MSRA: variants seen among roughly 807,000 people sequenced by gnomAD.
The protein encoded by MSRA is mitochondrial peptide methionine sulfoxide reductase.
In MSRA, 54 loss-of-function variants were observed where a neutral mutation model predicts 31.3. That is an observed-to-expected ratio of 1.73 (90% CI 1.39 to 2.17). The LOEUF (loss-of-function observed/expected upper bound fraction) is 2.17. Among genes scored for constraint, MSRA ranks in the 30% most tolerant of loss-of-function variants. The probability of loss-of-function intolerance (pLI) is 0.00; values close to 1 mark genes in which losing one functional copy is unlikely to be tolerated. For missense variants in MSRA, 507 were observed against 300.9 expected, an observed-to-expected ratio of 1.69 and a Z score of -5.07; for synonymous variants, 169 against 116.5, an observed-to-expected ratio of 1.45 and a Z score of -2.90.
At chr8:10,277,768 A>ATCCTT (rs1799401134) in intron 3 of MSRA, among the ~76,000 whole-genome samples, 2 of 152,282 alleles carry the variant, frequency 1.3e-5, no homozygotes, top group Admixed American at 1.3e-4. Context: ...TTGTATTCAG[A>ATCCTT]TCTCTTTATA....
intron 5 of MSRA, among the ~76,000 whole-genome samples, chr8:10,342,608 G>C (rs941021634): frequency 6.6e-6 from 1 of 152,224 alleles, no homozygotes; most frequent in Non-Finnish European, 1.5e-5. Context: ...TCAAATCTGA[G>C]GCCGTTGTAT....
intron 5 of MSRA, among the ~76,000 whole-genome samples, chr8:10,322,551 G>C (rs536249003): frequency 1.3e-5 from 2 of 152,258 alleles, no homozygotes; most frequent in African/African-American, 4.8e-5. Context: ...AGTTGTGAAA[G>C]TGCAGAGTCT....
chr8:10,355,349 C>T (rs1440792487), intron 5 of MSRA, among the ~76,000 whole-genome samples: 1 of 152,194 alleles, frequency 6.6e-6, no homozygotes, highest in African/African-American at 2.4e-5. Context: ...GAAGCTTTAT[C>T]GCCGATAGAT....
At chr8:10,136,549 T>G (rs1802293168) in intron 1 of MSRA, among the ~76,000 whole-genome samples, 1 of 152,238 alleles carries the variant, frequency 6.6e-6, no homozygotes, top group African/African-American at 2.4e-5. Flanking sequence ...TTGTCCTCAT[T>G]TTTAAATTTA....
intron 3 of MSRA, among the ~76,000 whole-genome samples, chr8:10,300,565 G>A (rs1800788635): frequency 1.3e-5 from 2 of 151,868 alleles, no homozygotes; most frequent in Non-Finnish European, 2.9e-5. Context: ...TAATTTTTTT[G>A]TTCAGTAGAG....
chr8:10,166,244 G>A (rs1219896244), intron 1 of MSRA, among the ~76,000 whole-genome samples: 1 of 152,170 alleles, frequency 6.6e-6, no homozygotes, highest in Admixed American at 6.5e-5. Context: ...TCAGGTAGCA[G>A]GGGAGAATGA....
chr8:10,330,006 A>G lies in MSRA; in HGVS notation c.543+10017A>G, dbSNP rs1258788667. 8.9e-5 allele frequency among the ~76,000 whole-genome samples: 12 copies of G among 135,378 alleles called. 1 individual carries two copies. Among genetic ancestry groups the G allele is most frequent in the Admixed American group, 5.3e-4 (7 of 13,256 alleles). 88.8% of individuals were successfully genotyped at this position (135,378 alleles called of 152,430 possible). A position where few individuals can be genotyped will look rare whatever the true frequency, so the allele number is the denominator to read the frequency against. On this transcript the variant is annotated intron_variant, in intron 5 of 5. Coordinates refer to ENST00000317173, the MANE Select transcript of MSRA (RefSeq NM_012331.5). ...AGAAGGATATTTGGGAGAGAAAAAA[A>G]TGTGTGTGTGTGTGTGTGTGTGTGT...
At chr8:10,375,296 C>G (rs566897101) in intron 5 of MSRA, among the ~76,000 whole-genome samples, 2 of 152,356 alleles carry the variant, frequency 1.3e-5, no homozygotes, top group East Asian at 3.9e-4. Context: ...GATTATCAGG[C>G]TTAGCCTGAT....
intron 5 of MSRA, among the ~76,000 whole-genome samples, chr8:10,323,310 T>G (rs755912299): frequency 4.6e-5 from 7 of 152,136 alleles, no homozygotes; most frequent in Non-Finnish European, 1.0e-4. Context: ...AAGTCACATA[T>G]GATAATGCCA....
intron 5 of MSRA, among the ~76,000 whole-genome samples, chr8:10,394,382 CT>C (rs1438843011): frequency 9.2e-5 from 14 of 152,182 alleles, no homozygotes; most frequent in Admixed American, 9.2e-4. Context: ...CCCACCCCAG[CT>C]TTTCTTTATA....
chr8:10,283,973 T>C (rs180770621), intron 3 of MSRA, among the ~76,000 whole-genome samples: 295 of 151,756 alleles, frequency 1.9e-3, no homozygotes, highest in African/African-American at 6.5e-3. Context: ...CATGTGCAAG[T>C]ATCTTTTTTG....
At chr8:10,173,668 G>A (rs936997713) in intron 1 of MSRA, among the ~76,000 whole-genome samples, 1 of 152,140 alleles carries the variant, frequency 6.6e-6, no homozygotes, top group Non-Finnish European at 1.5e-5. Context: ...TTGCAGCCAG[G>A]CTCAACTTTT....
At chr8:10,082,569 A>G (rs1168550709) in intron 1 of MSRA, among the ~76,000 whole-genome samples, 1 of 152,124 alleles carries the variant, frequency 6.6e-6, no homozygotes, top group Non-Finnish European at 1.5e-5. Flanking sequence ...TGTTACTTCC[A>G]AATCCTACCA....
intron 1 of MSRA, among the ~76,000 whole-genome samples, chr8:10,187,611 C>T (rs1807162799): frequency 6.6e-6 from 1 of 152,198 alleles, no homozygotes; most frequent in Admixed American, 6.5e-5. Context: ...GGGCTATCCA[C>T]TGTAATGACA....
At chr8:10,216,389 G>C (rs4637833) in intron 2 of MSRA, among the ~76,000 whole-genome samples, 1 of 152,098 alleles carries the variant, frequency 6.6e-6, no homozygotes, top group Non-Finnish European at 1.5e-5. Context: ...TTGCATGATG[G>C]ACTTCATTTT....
chr8:10,103,524 A>C (rs545650624), intron 1 of MSRA, among the ~76,000 whole-genome samples: 1 of 152,150 alleles, frequency 6.6e-6, no homozygotes, highest in Non-Finnish European at 1.5e-5. Context: ...ACCAATATCA[A>C]AGGGTTGTTC....
At chr8:10,253,864 G>C (rs1475175193) in intron 3 of MSRA, among the ~76,000 whole-genome samples, 2 of 151,566 alleles carry the variant, frequency 1.3e-5, no homozygotes, top group Admixed American at 1.3e-4. Flanking sequence ...TTTTTTCTAA[G>C]TTACATTAAA....
At chr8:10,365,142 C>CAAA (rs1171189760) in intron 5 of MSRA, among the ~76,000 whole-genome samples, 152 of 61,166 alleles carry the variant, frequency 2.5e-3, no homozygotes, top group African/African-American at 5.7e-3. Context: ...GTGAAGCAAC[C>CAAA]AAAAAAAAAA....
chr8:10,286,215 C>G (rs1224512718), intron 3 of MSRA, among the ~76,000 whole-genome samples: 1 of 152,132 alleles, frequency 6.6e-6, no homozygotes, highest in African/African-American at 2.4e-5. Context: ...TAAGTAGTTC[C>G]CGTTTTTCAA....
Sources: allele counts gnomAD v4.1 joint callset (sites outside exome capture counted in the v4.1 genomes callset), GRCh38; gene constraint gnomAD v4.1.1; transcripts MANE v1.5; gene names NCBI Gene and HGNC (gene_info 2026-07-23, HGNC 2026-07-21).